The following PLEKHH2 variants were observed in gnomAD, a reference collection of about 807,000 sequenced individuals.
The protein encoded by PLEKHH2 is pleckstrin homology domain-containing family H member 2.
PLEKHH2 carries 129 observed loss-of-function variants against 187.9 expected under a neutral mutation model. The ratio of observed to expected loss-of-function variants is 0.69; its 90% CI spans 0.59 to 0.79. The LOEUF (loss-of-function observed/expected upper bound fraction) is 0.79, where lower values mean the gene tolerates loss of function less well. Among genes scored for constraint, PLEKHH2 ranks in the 30% least tolerant of loss-of-function variants. The probability of loss-of-function intolerance (pLI) is 0.00; values close to 1 mark genes in which losing one functional copy is unlikely to be tolerated. For missense variants in PLEKHH2, 2,076 were observed against 1,751.2 expected (o/e 1.19, Z -3.31); for synonymous variants, 686 against 605.6 (o/e 1.13, Z -1.95).
intron 4 of PLEKHH2, among the ~76,000 whole-genome samples, chr2:43,693,706 T>G (rs7603968): frequency 2.8e-5 from 3 of 108,712 alleles, no homozygotes; most frequent in East Asian, 2.3e-4. Flanking sequence ...CCTGGGCGAC[T>G]GAGCGAGACT....
rs1018389543 is a variant in PLEKHH2, at chr2:43,637,564, C to T, written c.-4+185C>T. 8.5e-5 allele frequency among the ~76,000 whole-genome samples: 13 copies of T among 152,342 alleles called. No homozygotes were observed. In the East Asian group the frequency reaches 2.5e-3, roughly 29 times the overall value. On this transcript the variant is annotated intron_variant, in intron 1 of 29. Transcript: ENST00000282406. ...CGGGATCCGCCGCTGCACCTCCCGCCACAGCCCAGAGTCGGCCCCCAAGTC... is the reference window on the plus strand; with the variant it reads ...CGGGATCCGCCGCTGCACCTCCCGCTACAGCCCAGAGTCGGCCCCCAAGTC...
At chr2:43,692,369 A>G in intron 3 of PLEKHH2, 145 bp from the exon 4 acceptor site, 1 of 601,328 alleles carries the variant, frequency 1.7e-6, no homozygotes, top group Non-Finnish European at 2.8e-6. Flanking sequence ...CTTTATAATC[A>G]TTAAATATAT....
intron 8 of PLEKHH2, among the ~76,000 whole-genome samples, chr2:43,701,811 G>A (rs28500702): frequency 0.59 from 86,561 of 146,280 alleles, 26,822 homozygotes; most frequent in African/African-American, 0.78. Context: ...CTTGTCTCCC[G>A]GGCTAGAGTG....
intron 2 of PLEKHH2, among the ~76,000 whole-genome samples, chr2:43,656,610 A>T (rs1297474123): frequency 6.6e-6 from 1 of 152,248 alleles, no homozygotes; most frequent in African/African-American, 2.4e-5. Flanking sequence ...ATTGCTGCAT[A>T]AAAAACTACC....
At position 43,738,299 on chromosome 2, in the gene PLEKHH2, A is replaced by G. The variant is rs367657772; in HGVS notation, c.2944-42A>G. On this transcript the variant is annotated intron_variant, in intron 19 of 29. Coordinates refer to ENST00000282406, the MANE Select transcript of PLEKHH2 (RefSeq NM_172069.4). ...ATATAATTCATGCAGAATAAATCTA[A>G]TCACTCCTCACCTTGAATATATCTT... 27 of 1,484,536 alleles carry G rather than the reference A, an allele frequency of 1.8e-5. No individual in the cohort carries two copies. The East Asian group carries it at 5.3e-4, about 29-fold the overall frequency. The allele number at this position is 1,484,536 out of a possible 1,614,324, so 92.0% of individuals were successfully genotyped here.
chr2:43,731,129 G>T (rs1222649923), intron 18 of PLEKHH2, among the ~76,000 whole-genome samples: 1 of 152,150 alleles, frequency 6.6e-6, no homozygotes, highest in African/African-American at 2.4e-5. Context: ...GGGGACTGAG[G>T]GAAAGGGTGG....
chr2:43,752,162 C>T (rs1672036323), intron 24 of PLEKHH2, among the ~76,000 whole-genome samples: 1 of 152,138 alleles, frequency 6.6e-6, no homozygotes, highest in Non-Finnish European at 1.5e-5. Flanking sequence ...ATAAGCTATG[C>T]ATACAAATGT....
Position 43,731,449 on chromosome 2 carries a change from G to T in PLEKHH2, c.2831-41G>T, listed in dbSNP as rs1372961592. 7 of 1,286,498 alleles carry T rather than the reference G, an allele frequency of 5.4e-6. No individual in the cohort carries two copies. The Admixed American group carries it at 1.1e-4, about 20-fold the overall frequency. The allele number at this position is 1,286,498 out of a possible 1,614,324, so 79.7% of individuals were successfully genotyped here. A position where few individuals can be genotyped will look rare whatever the true frequency, so the allele number is the denominator to read the frequency against. On this transcript the variant is annotated intron_variant, in intron 18 of 29. Transcript: ENST00000282406. ...AATTTAATAAGAGGCCACAATAAGT[G>T]GTTTATTCAGTTTTCTGTTCATATT... is the stretch of plus-strand genomic sequence containing the variant.
chr2:43,672,780 C>T (rs531724040), intron 2 of PLEKHH2, among the ~76,000 whole-genome samples: 2 of 152,160 alleles, frequency 1.3e-5, no homozygotes, highest in South Asian at 2.1e-4. Context: ...TATTCTCTTC[C>T]TTTTTTCAGC....
At chr2:43,662,448 T>C (rs371511934) in intron 2 of PLEKHH2, among the ~76,000 whole-genome samples, 1 of 4,522 alleles carries the variant, frequency 2.2e-4, no homozygotes, top group Non-Finnish European at 4.3e-4. Flanking sequence ...CTTTTCCTAA[T>C]TGAATACCCT....
At chr2:43,696,622 A>G (rs371921821) in intron 6 of PLEKHH2, among the ~76,000 whole-genome samples, 2 of 151,622 alleles carry the variant, frequency 1.3e-5, no homozygotes, top group African/African-American at 4.9e-5. Context: ...AAAGCTCTTT[A>G]TATTGTGGTT....
At chr2:43,753,880 A>T in intron 25 of PLEKHH2, 120 bp downstream of exon 25, 7 of 888,188 alleles carry the variant, frequency 7.9e-6, no homozygotes, top group Non-Finnish European at 1.1e-5. Flanking sequence ...TACAATTAGC[A>T]CCTTAAAAAT....
At chr2:43,669,395 C>T (rs1207256601) in intron 2 of PLEKHH2, among the ~76,000 whole-genome samples, 1 of 152,012 alleles carries the variant, frequency 6.6e-6, no homozygotes, top group African/African-American at 2.4e-5. Context: ...GTGATGGTTG[C>T]ACAACTCTTT....
intron 16 of PLEKHH2, among the ~76,000 whole-genome samples, chr2:43,721,363 G>A (rs1357906366): frequency 6.6e-6 from 1 of 152,160 alleles, no homozygotes; most frequent in Non-Finnish European, 1.5e-5. Context: ...CATGGGCCAC[G>A]AGTACTTGTA....
intron 1 of PLEKHH2, among the ~76,000 whole-genome samples, chr2:43,642,187 A>C (rs1168871182): frequency 6.6e-6 from 1 of 152,168 alleles, no homozygotes; most frequent in Non-Finnish European, 1.5e-5. Flanking sequence ...CACATTTTGC[A>C]CTTCTTTTGT....
At chr2:43,731,202 C>A (rs773876699) in intron 18 of PLEKHH2, among the ~76,000 whole-genome samples, 1 of 152,044 alleles carries the variant, frequency 6.6e-6, no homozygotes, top group Non-Finnish European at 1.5e-5. Flanking sequence ...ACCAAAATCT[C>A]ACAAATCACT....
chr2:43,742,048 T>A (rs914147851), intron 21 of PLEKHH2, among the ~76,000 whole-genome samples: 1 of 152,132 alleles, frequency 6.6e-6, no homozygotes, highest in Admixed American at 6.5e-5. Context: ...TCACCTAGGT[T>A]GGAGTGCAGT....
intron 23 of PLEKHH2, 114 bp downstream of exon 23, chr2:43,744,103 C>T: frequency 1.4e-6 from 2 of 1,458,070 alleles, no homozygotes; most frequent in Non-Finnish European, 1.8e-6. Flanking sequence ...AAAACTTTAA[C>T]CAATCTAATC....
chr2:43,681,283 C>A, intron 3 of PLEKHH2: 1 of 716,208 alleles, frequency 1.4e-6, no homozygotes. Flanking sequence ...TGATGCCATG[C>A]TGGCTGACTG....
Sources: allele counts gnomAD v4.1 joint callset (sites outside exome capture counted in the v4.1 genomes callset), GRCh38; gene constraint gnomAD v4.1.1; transcripts MANE v1.5; gene names NCBI Gene and HGNC (gene_info 2026-07-23, HGNC 2026-07-21).